The following GRIK4 variants were observed in gnomAD, a reference collection of about 807,000 sequenced individuals.
GRIK4 encodes glutamate receptor ionotropic, kainate 4.
A neutral mutation model predicts 104.9 loss-of-function variants in GRIK4; 40 were observed. The observed-to-expected ratio is 0.38, with a 90% CI of 0.30 to 0.50. GRIK4 has a LOEUF of 0.50. GRIK4 is among the 20% of genes least tolerant of loss of function. GRIK4 has a pLI of 0.93. For missense variants in GRIK4, 1,047 were observed against 1,308.1 expected, an observed-to-expected ratio of 0.80 and a Z score of 3.08; for synonymous variants, 485 against 524.9, an observed-to-expected ratio of 0.92 and a Z score of 1.04.
chr11:120,626,617 C>G (rs1042357739), intron 1 of GRIK4, among the ~76,000 whole-genome samples: 2 of 152,120 alleles, frequency 1.3e-5, no homozygotes, highest in Non-Finnish European at 2.9e-5. Context: ...CACCTTGATC[C>G]GTGCTTTCCC....
chr11:120,901,186 C>T (rs1942727426), intron 12 of GRIK4, among the ~76,000 whole-genome samples: 1 of 152,150 alleles, frequency 6.6e-6, no homozygotes, highest in Non-Finnish European at 1.5e-5. Flanking sequence ...CCTTACAATC[C>T]TTCAGCCACT....
intron 3 of GRIK4, among the ~76,000 whole-genome samples, chr11:120,753,342 T>TGTGTGC (rs1491307184): frequency 6.9e-6 from 1 of 144,200 alleles, no homozygotes; most frequent in Non-Finnish European, 1.6e-5. Context: ...TGTGTGTGTG[T>TGTGTGC]GCAGGGTGGC....
intron 1 of GRIK4, among the ~76,000 whole-genome samples, chr11:120,604,937 A>C (rs1190193978): frequency 2.0e-5 from 3 of 152,204 alleles, no homozygotes; most frequent in Non-Finnish European, 4.4e-5. Flanking sequence ...ATCATGGCTC[A>C]CTACAGCCTC....
At chr11:120,908,395 A>C (rs1856861224) in intron 13 of GRIK4, among the ~76,000 whole-genome samples, 1 of 151,958 alleles carries the variant, frequency 6.6e-6, no homozygotes, top group East Asian at 1.9e-4. Flanking sequence ...TCATCTGCAA[A>C]GGATTTTTTT....
intron 14 of GRIK4, among the ~76,000 whole-genome samples, chr11:120,946,971 C>T (rs906509045): frequency 1.3e-5 from 2 of 152,154 alleles, no homozygotes; most frequent in Non-Finnish European, 2.9e-5. Context: ...GTGAGCTTAC[C>T]ATTTTCCCTC....
intron 3 of GRIK4, among the ~76,000 whole-genome samples, chr11:120,787,487 CAG>C (rs1387105374): frequency 6.7e-6 from 1 of 149,428 alleles, no homozygotes. Flanking sequence ...TTTTTTGAGA[CAG>C]AGTCTGGCTG....
chr11:120,671,963 C>T (rs899266361), intron 3 of GRIK4, among the ~76,000 whole-genome samples: 4 of 152,112 alleles, frequency 2.6e-5, no homozygotes, highest in South Asian at 2.1e-4. Flanking sequence ...CTGAGGTCTC[C>T]GTTCTGTTCT....
rs1272985603 is a variant in GRIK4 at position 120,903,897 on chromosome 11, C to T, written c.1273-1393C>T. Among the ~76,000 whole-genome samples, 2 of 152,254 alleles carry T rather than the reference C, an allele frequency of 1.3e-5. No homozygotes were observed. Among genetic ancestry groups the T allele is most frequent in the South Asian group, 2.1e-4 (1 of 4,832 alleles). ...GGTCGGCAGTGACACATGATCAACACGCTGGTTCCCAGCCCTGCTAGGTCT... is the reference window on the plus strand; with the variant it reads ...GGTCGGCAGTGACACATGATCAACATGCTGGTTCCCAGCCCTGCTAGGTCT... On this transcript the variant is annotated intron_variant, in intron 12 of 20. Coordinates refer to ENST00000527524, the MANE Select transcript of GRIK4 (RefSeq NM_014619.5). The surrounding 1 kb of genome is among the most constrained non-coding windows in gnomAD (Gnocchi z 4.4).
chr11:120,696,491 TGTG>T (rs1415204918), intron 3 of GRIK4, among the ~76,000 whole-genome samples: 1 of 92,940 alleles, frequency 1.1e-5, no homozygotes, highest in African/African-American at 4.3e-5. Flanking sequence ...TGGGGGGGCA[TGTG>T]GTAGAGGGGG....
At chr11:120,934,103 G>C (rs571983446) in intron 13 of GRIK4, among the ~76,000 whole-genome samples, 2 of 151,826 alleles carry the variant, frequency 1.3e-5, no homozygotes, top group South Asian at 4.2e-4. Context: ...TACTCAGGAG[G>C]CTGAGGCAGG....
intron 3 of GRIK4, among the ~76,000 whole-genome samples, chr11:120,795,547 G>C (rs984554730): frequency 6.6e-6 from 1 of 152,240 alleles, no homozygotes; most frequent in South Asian, 2.1e-4. Flanking sequence ...CATTCATTAA[G>C]GGCCTACTGT....
chr11:120,777,279 G>A (rs569879569), intron 3 of GRIK4, among the ~76,000 whole-genome samples: 1 of 152,252 alleles, frequency 6.6e-6, no homozygotes, highest in Admixed American at 6.5e-5. Context: ...CAAACAGTTT[G>A]GTGTCATTTC....
intron 3 of GRIK4, among the ~76,000 whole-genome samples, chr11:120,729,732 GT>G (rs1195908083): frequency 6.6e-6 from 1 of 152,132 alleles, no homozygotes; most frequent in East Asian, 1.9e-4. Flanking sequence ...TTTGCTGACT[GT>G]TTCCTTTGCT....
chr11:120,719,723 CA>C (rs1950897136), intron 3 of GRIK4, among the ~76,000 whole-genome samples: 2 of 152,186 alleles, frequency 1.3e-5, no homozygotes, highest in African/African-American at 4.8e-5. Flanking sequence ...GAAATAGTTA[CA>C]TAAGCTTCTC....
rs765553278 is a variant in GRIK4, at chr11:120,511,875, C to A, written c.-171C>A. The A allele has an allele frequency of 3.2e-5, 10 of 307,788 alleles. No homozygotes were observed. The highest frequency in any genetic ancestry group is 1.2e-3 in the Middle Eastern group (1 of 840). 19.1% of individuals were successfully genotyped at this position (307,788 alleles called of 1,614,324 possible). A position where few individuals can be genotyped will look rare whatever the true frequency, so the allele number is the denominator to read the frequency against. On this transcript the variant is annotated 5_prime_UTR_variant, in exon 1 of 21. Transcript: ENST00000527524. ...GGCCCCCGGCTCAGCCCCCGGAGTG[C>A]GGAGCCGACCAGGTAAGGGCAGCGG...
At chr11:120,626,807 G>A (rs549609511) in intron 1 of GRIK4, among the ~76,000 whole-genome samples, 7 of 152,320 alleles carry the variant, frequency 4.6e-5, no homozygotes, top group East Asian at 1.9e-4. Flanking sequence ...ATCAGGGCTC[G>A]TCAGGAGGAT....
intron 1 of GRIK4, among the ~76,000 whole-genome samples, chr11:120,624,136 A>G (rs1021735548): frequency 6.6e-6 from 1 of 152,186 alleles, no homozygotes; most frequent in African/African-American, 2.4e-5. Context: ...GTAACACAAG[A>G]TAGTGTTTTT....
intron 3 of GRIK4, among the ~76,000 whole-genome samples, chr11:120,679,945 C>T (rs1009717762): frequency 6.6e-6 from 1 of 152,216 alleles, no homozygotes; most frequent in Non-Finnish European, 1.5e-5. Context: ...ATCCTTGCCT[C>T]TCACATCGCT....
intron 13 of GRIK4, among the ~76,000 whole-genome samples, chr11:120,932,437 T>C (rs542096575): frequency 3.5e-5 from 5 of 142,464 alleles, no homozygotes; most frequent in African/African-American, 1.0e-4. Flanking sequence ...TCTCGGCCCA[T>C]ATCCTCATCC....
Sources: allele counts gnomAD v4.1 joint callset (sites outside exome capture counted in the v4.1 genomes callset), GRCh38; gene constraint gnomAD v4.1.1; non-coding constraint Gnocchi (gnomAD v3.1); transcripts MANE v1.5; gene names NCBI Gene and HGNC (gene_info 2026-07-23, HGNC 2026-07-21).